The following PCDH15 variants were observed in gnomAD, a reference collection of about 807,000 sequenced individuals.
PCDH15 encodes protocadherin-15.
Under a neutral mutation model 178.5 loss-of-function variants are expected in PCDH15, and 129 were observed. The ratio of observed to expected loss-of-function variants is 0.72; its 90% CI spans 0.63 to 0.84. The LOEUF is 0.84. Ranked by LOEUF, PCDH15 falls within the 40% of genes least tolerant of loss-of-function variation. The pLI, the probability that PCDH15 is intolerant of heterozygous loss-of-function variation, is 0.00. For synonymous variants in PCDH15, 800 were observed against 732.0 expected (o/e 1.09, Z -1.50); for missense variants, 2,230 against 2,099.9 (o/e 1.06, Z -1.21).
intron 2 of PCDH15, among the ~76,000 whole-genome samples, chr10:54,956,747 T>C (rs889740016): frequency 6.6e-6 from 1 of 151,654 alleles, no homozygotes; most frequent in Admixed American, 6.6e-5. Context: ...TTAGTATATA[T>C]CATATAAACA....
chr10:54,167,763 C>T lies in PCDH15; in HGVS notation c.1591-14470G>A, dbSNP rs1329231436. ...CGCACCCCAACCTCTTATCTCTGCGCCCCAATCCCTTATTTCCGCACCCCA... is the reference window on the plus strand; with the variant it reads ...CGCACCCCAACCTCTTATCTCTGCGTCCCAATCCCTTATTTCCGCACCCCA... On this transcript the variant is annotated intron_variant, in intron 13 of 37. Coordinates refer to ENST00000644397, the MANE Select transcript of PCDH15 (RefSeq NM_001384140.1). Among the ~76,000 whole-genome samples, 315 of 148,694 alleles carry T rather than the reference C, an allele frequency of 2.1e-3. 3 individuals are homozygous for T. The highest frequency in any genetic ancestry group is 7.5e-3 in the African/African-American group (288 of 38,378).
intron 8 of PCDH15, among the ~76,000 whole-genome samples, chr10:54,303,442 A>G (rs2060270213): frequency 6.6e-6 from 1 of 152,090 alleles, no homozygotes; most frequent in Admixed American, 6.6e-5. Flanking sequence ...ATGCATATAT[A>G]TGCACACACA....
At chr10:55,055,846 G>A (rs1333848747) in intron 2 of PCDH15, among the ~76,000 whole-genome samples, 3 of 151,902 alleles carry the variant, frequency 2.0e-5, no homozygotes, top group Non-Finnish European at 2.9e-5. Context: ...AAGAAAGAAA[G>A]GAGGGTGGCT....
chr10:53,863,803 T>C (rs996441451), intron 27 of PCDH15, among the ~76,000 whole-genome samples: 13 of 152,170 alleles, frequency 8.5e-5, no homozygotes, highest in Admixed American at 1.3e-4. Context: ...TTGAATCTAC[T>C]GCATAAGTAG....
chr10:55,194,035 A>G (rs1449114763), intron 1 of PCDH15, among the ~76,000 whole-genome samples: 1 of 152,076 alleles, frequency 6.6e-6, no homozygotes, highest in Non-Finnish European at 1.5e-5. Context: ...TACACAAAAC[A>G]CACACACTCA....
intron 25 of PCDH15, among the ~76,000 whole-genome samples, chr10:53,910,609 C>G (rs959295712): frequency 6.6e-6 from 1 of 152,188 alleles, no homozygotes; most frequent in African/African-American, 2.4e-5. Context: ...CTCTTCTCCT[C>G]CAAAGGATCA....
intron 26 of PCDH15, among the ~76,000 whole-genome samples, chr10:53,884,222 T>C (rs1379889581): frequency 2.0e-5 from 3 of 152,136 alleles, no homozygotes; most frequent in Non-Finnish European, 4.4e-5. Context: ...AGTTTTGTAC[T>C]GAAAAGGAGT....
intron 2 of PCDH15, among the ~76,000 whole-genome samples, chr10:55,478,938 A>T (rs893007457): frequency 1.6e-4 from 3 of 19,048 alleles, no homozygotes; most frequent in Non-Finnish European, 2.7e-4. Flanking sequence ...TCACAAAGAT[A>T]AAAAAAAAAA....
rs918798394 is a variant in PCDH15 at position 54,717,702 on chromosome 10, G to A, written c.-28-53412C>T. On this transcript the variant is annotated intron_variant, in intron 1 of 37. Coordinates refer to ENST00000644397, the MANE Select transcript of PCDH15 (RefSeq NM_001384140.1). ...TTCAACCATTGTGGAAGTCAGTGTG[G>A]CGATTCCTCAGGGATCTAGAACTGG... Among the ~76,000 whole-genome samples the A allele has an allele frequency of 1.7e-4, 24 of 138,294 alleles. 2 individuals carry two copies. The highest frequency in any genetic ancestry group is 5.6e-4 in the African/African-American group (20 of 35,642). 90.7% of individuals were successfully genotyped at this position (138,294 alleles called of 152,430 possible). A position where few individuals can be genotyped will look rare whatever the true frequency, so the allele number is the denominator to read the frequency against.
At chr10:55,397,367 C>T (rs984485135) in intron 2 of PCDH15, among the ~76,000 whole-genome samples, 1 of 152,042 alleles carries the variant, frequency 6.6e-6, no homozygotes, top group African/African-American at 2.4e-5. Context: ...TCATTATTCT[C>T]TTTTTTCAAA....
At chr10:54,329,146 T>C (rs1938842807) in intron 7 of PCDH15, among the ~76,000 whole-genome samples, 1 of 142,730 alleles carries the variant, frequency 7.0e-6, no homozygotes, top group Non-Finnish European at 1.5e-5. Context: ...CACGACCAAT[T>C]AGGCAATGAT....
rs2132580181 is a variant in PCDH15, at chr10:53,827,512, C to T, written c.4248G>A (p.Gln1416=). 1.2e-6 allele frequency: 2 copies of T among 1,614,082 alleles called. No homozygotes were observed. The highest frequency in any genetic ancestry group is 8.5e-7 in the Non-Finnish European group (1 of 1,179,948). The change falls in exon 32 of 38, where the codon CAG becomes CAA. Residue 1416 remains glutamine (Q), a synonymous_variant. Transcript: ENST00000644397. ...QAECTKTARI[Q]AALPAAKPAV... The stretch of plus-strand genomic sequence containing the variant: ...CTGGTTTAGCCGCGGGTAATGCGGC[C>T]TGAATTCGTGCAGTCTTTGTACACT...
Position 53,943,214 on chromosome 10 carries a change from C to T in PCDH15, c.3123-2239G>A, listed in dbSNP as rs371040772. On this transcript the variant is annotated intron_variant, in intron 23 of 37. Transcript: ENST00000644397. ...GAGAAAAATGCTATGTCGGGCCGGG[C>T]GCGGTGGCTCACTCCTGTAATCCCA... is the stretch of plus-strand genomic sequence containing the variant. 5.9e-5 allele frequency among the ~76,000 whole-genome samples: 9 copies of T among 152,052 alleles called. No homozygotes were observed. The East Asian group carries it at 1.2e-3, about 20-fold the overall frequency.
At chr10:53,842,633 A>G (rs1296080182) in intron 28 of PCDH15, among the ~76,000 whole-genome samples, 1 of 152,220 alleles carries the variant, frequency 6.6e-6, no homozygotes, top group Non-Finnish European at 1.5e-5. Context: ...CACAGTTCCT[A>G]GCACATAGTA....
chr10:54,257,995 TA>T (rs1247068570), intron 8 of PCDH15, among the ~76,000 whole-genome samples: 1 of 152,142 alleles, frequency 6.6e-6, no homozygotes, highest in Non-Finnish European at 1.5e-5. Context: ...CAGTCAGTAT[TA>T]AAAGGGCTTA....
intron 1 of PCDH15, among the ~76,000 whole-genome samples, chr10:55,282,048 CG>C (rs1413470788): frequency 1.3e-5 from 2 of 152,130 alleles, no homozygotes; most frequent in African/African-American, 2.4e-5. Flanking sequence ...TTTTCCCCAG[CG>C]CCAAGAAAGA....
chr10:53,892,950 T>C (rs900753514), intron 26 of PCDH15, among the ~76,000 whole-genome samples: 2 of 152,172 alleles, frequency 1.3e-5, no homozygotes, highest in African/African-American at 4.8e-5. Context: ...TCTAAAAATA[T>C]ATGATATAAT....
At chr10:54,858,799 T>C (rs942868937) in intron 3 of PCDH15, among the ~76,000 whole-genome samples, 4 of 152,056 alleles carry the variant, frequency 2.6e-5, no homozygotes, top group African/African-American at 9.7e-5. Flanking sequence ...ATGGGTAACG[T>C]CTGTGTGGTG....
chr10:55,021,798 G>A (rs1478512521), intron 2 of PCDH15, among the ~76,000 whole-genome samples: 3 of 152,124 alleles, frequency 2.0e-5, no homozygotes, highest in Non-Finnish European at 4.4e-5. Flanking sequence ...GTGAAGAAAG[G>A]CACATTAAGA....
Sources: gnomAD v4.1 joint callset for allele counts (sites outside exome capture counted in the v4.1 genomes callset) on GRCh38, gnomAD v4.1.1 for gene constraint, MANE v1.5 for transcripts, NCBI Gene and HGNC (gene_info 2026-07-23, HGNC 2026-07-21) for gene names.